The following TRAFD1 variants were observed in gnomAD, a reference collection of about 807,000 sequenced individuals.
TRAFD1 encodes TRAF-type zinc finger domain containing 1, also known as TRAF-type zinc finger domain-containing protein 1.
A neutral mutation model predicts 65.3 loss-of-function variants in TRAFD1; 38 were observed. The observed-to-expected ratio is 0.58, with a 90% CI of 0.45 to 0.76. The LOEUF (loss-of-function observed/expected upper bound fraction) is 0.76, where lower values mean the gene tolerates loss of function less well. TRAFD1 is among the 30% of genes least tolerant of loss of function. The pLI, the probability that TRAFD1 is intolerant of heterozygous loss-of-function variation, is 0.00. For synonymous variants in TRAFD1, 223 were observed against 257.2 expected (o/e 0.87, Z 1.27); for missense variants, 631 against 712.6 (o/e 0.89, Z 1.30).
chr12:112,132,524 TG>T (rs954260643), intron 2 of TRAFD1, among the ~76,000 whole-genome samples: 34 of 152,238 alleles, frequency 2.2e-4, no homozygotes, highest in African/African-American at 8.2e-4. Context: ...GCTAAAAATT[TG>T]AGAGAAATAT....
chr12:112,133,167 C>CT (rs2079574477), intron 2 of TRAFD1: 1 of 152,162 alleles, frequency 6.6e-6, no homozygotes, highest in African/African-American at 2.4e-5. Context: ...AACCACTAAA[C>CT]TAAGTGAGAA....
At chr12:112,150,888 C>T (rs1161887002) in intron 9 of TRAFD1, among the ~76,000 whole-genome samples, 3 of 149,704 alleles carry the variant, frequency 2.0e-5, no homozygotes, top group African/African-American at 7.3e-5. Context: ...TTACTTAAGA[C>T]CATCATGTTT....
At chr12:112,127,391 G>A (rs964351339) in intron 1 of TRAFD1, among the ~76,000 whole-genome samples, 1 of 152,042 alleles carries the variant, frequency 6.6e-6, no homozygotes, top group Admixed American at 6.6e-5. Context: ...CCACTAAATC[G>A]CTTTATCAGA....
At chr12:112,140,784 A>G in intron 4 of TRAFD1, 35 bp from the exon 5 acceptor site, 1 of 1,607,544 alleles carries the variant, frequency 6.2e-7, no homozygotes, top group Non-Finnish European at 8.5e-7. Context: ...TCTCCTAGAT[A>G]TGCATATTAA....
At chr12:112,147,948 C>T (rs1423460487) in intron 7 of TRAFD1, 126 bp from the exon 8 acceptor site, 11 of 807,998 alleles carry the variant, frequency 1.4e-5, no homozygotes, top group Admixed American at 5.4e-5. Flanking sequence ...GGATTACAGG[C>T]GTGAGCCACC....
rs148878247 is a variant in TRAFD1 at position 112,152,787 on chromosome 12, A to G, written c.1745A>G (p.Glu582Gly). ...GGGGATGCAGAAGAGGAAGAGGAGG[A>G]GTAATGGTGTCTCCAGAGACTTTAC... ...GAGDAEEEEE[E>G] Residue 582 changes from glutamate to glycine, a missense_variant, in exon 12 of 12, where the codon GAG becomes GGG. Coordinates refer to ENST00000412615, the MANE Select transcript of TRAFD1 (RefSeq NM_006700.3). This position sits in a 1 kb window ranked among gnomAD's most constrained non-coding sequence, Gnocchi z 5.0. 1.6e-4 allele frequency: 257 copies of G among 1,614,144 alleles called. 3 individuals are homozygous for G. In the South Asian group the frequency reaches 2.7e-3, roughly 17 times the overall value.
chr12:112,129,666 C>T lies in TRAFD1; in HGVS notation c.-12-845C>T, dbSNP rs550882633. Among the ~76,000 whole-genome samples the T allele has an allele frequency of 4.6e-5, 7 of 152,098 alleles. No homozygotes were observed. In the South Asian group the frequency reaches 6.2e-4, roughly 14 times the overall value. ...TTTATTTATTTATTTATTTTTGAGA[C>T]GGAGTCTTACTCTGTCGCTAGGGTG... On this transcript the variant is annotated intron_variant, in intron 1 of 11. Coordinates refer to ENST00000412615, the MANE Select transcript of TRAFD1 (RefSeq NM_006700.3).
At position 112,145,573 on chromosome 12, in the gene TRAFD1, G is replaced by A. The variant is rs2030215730; in HGVS notation, c.851-13G>A. 2.5e-6 allele frequency: 4 copies of A among 1,613,864 alleles called. No homozygotes were observed. Among genetic ancestry groups the A allele is most frequent in the Non-Finnish European group, 3.4e-6 (4 of 1,179,928 alleles). On this transcript the variant is annotated splice_polypyrimidine_tract_variant and intron_variant, in intron 6 of 11. Coordinates refer to ENST00000412615, the MANE Select transcript of TRAFD1 (RefSeq NM_006700.3). ...TGTTCATCCTGAGTCTCATTGTGTG[G>A]CCTAATACCTAGGTGCAGCTGACGA... is the stretch of plus-strand genomic sequence containing the variant.
rs772520742 is a variant in TRAFD1, at chr12:112,149,805, C to G, written c.1213C>G (p.Pro405Ala). Residue 405 changes from proline to alanine, a missense_variant, in exon 9 of 12, where the codon CCT becomes GCT. Transcript: ENST00000412615. The stretch of plus-strand genomic sequence containing the variant: ...AACCAACCATGTGACAGAGGGGATT[C>G]CTAGACTGGATTCCCAGCCTCAAGA... ...TATNHVTEGI[P>A]RLDSQPQETS... is the part of the protein sequence containing the mutation. 6.2e-7 allele frequency: 1 copy of G among 1,614,198 alleles called. No homozygotes were observed. The highest frequency in any genetic ancestry group is 1.7e-5 in the Admixed American group (1 of 60,024).
At chr12:112,151,690 G>A (rs1241862247) in intron 9 of TRAFD1, 111 bp from the exon 10 acceptor site, 11 of 1,085,408 alleles carry the variant, frequency 1.0e-5, no homozygotes, top group Non-Finnish European at 1.4e-5. Context: ...GAGCCACCAC[G>A]CCTGGCTGAG....
intron 4 of TRAFD1, 30 bp from the exon 5 acceptor site, chr12:112,140,789 T>C (rs2030063901): frequency 6.2e-7 from 1 of 1,609,712 alleles, no homozygotes; most frequent in Non-Finnish European, 8.5e-7. Flanking sequence ...TAGATATGCA[T>C]ATTAACTGCC....
chr12:112,140,742 T>G, intron 4 of TRAFD1, 77 bp from the exon 5 acceptor site: 1 of 1,534,176 alleles, frequency 6.5e-7, no homozygotes, highest in Non-Finnish European at 8.9e-7. Context: ...GTAGATACTC[T>G]TGGCTTTCCT....
Position 112,152,808 on chromosome 12 carries a change from T to C in TRAFD1, c.*17T>C. 1 of 1,613,870 alleles carries C rather than the reference T, an allele frequency of 6.2e-7. No homozygotes were observed. The highest frequency in any genetic ancestry group is 1.1e-5 in the South Asian group (1 of 91,078). On this transcript the variant is annotated 3_prime_UTR_variant, in exon 12 of 12. Coordinates refer to ENST00000412615, the MANE Select transcript of TRAFD1 (RefSeq NM_006700.3). This position sits in a 1 kb window ranked among gnomAD's most constrained non-coding sequence, Gnocchi z 5.0. ...GAGGAGTAATGGTGTCTCCAGAGAC[T>C]TTACATCGGTTCCTGTCTTCTGTGC...
rs941659587 is a variant in TRAFD1 at position 112,149,489 on chromosome 12, AG to A, written c.1159-261del. The A allele has an allele frequency of 3.0e-5, 10 of 330,512 alleles. No individual in the cohort carries two copies. The South Asian group carries it at 4.2e-4, about 14-fold the overall frequency. The allele number at this position is 330,512 out of a possible 1,614,324, so 20.5% of individuals were successfully genotyped here. ...TAGTCTTAAAAAACAGAAAAAAAAA[AG>A]AAATAAATGTTTTTCTGGGCTCCAA... is the stretch of plus-strand genomic sequence containing the variant. On this transcript the variant is annotated intron_variant, in intron 8 of 11. Coordinates refer to ENST00000412615, the MANE Select transcript of TRAFD1 (RefSeq NM_006700.3).
At position 112,152,294 on chromosome 12, in the gene TRAFD1, A is replaced by T; in HGVS notation, c.1620-133A>T. 1 of 1,443,468 alleles carries T rather than the reference A, an allele frequency of 6.9e-7. No homozygotes were observed. Among genetic ancestry groups the T allele is most frequent in the Non-Finnish European group, 9.4e-7 (1 of 1,061,578 alleles). 89.4% of individuals were successfully genotyped at this position (1,443,468 alleles called of 1,614,324 possible). A position where few individuals can be genotyped will look rare whatever the true frequency, so the allele number is the denominator to read the frequency against. On this transcript the variant is annotated intron_variant, in intron 10 of 11. Coordinates refer to ENST00000412615, the MANE Select transcript of TRAFD1 (RefSeq NM_006700.3). The surrounding 1 kb of genome is among the most constrained non-coding windows in gnomAD (Gnocchi z 5.0). ...TTCCCTGTATTGTCACCTGACTCCAAAAAAATTATTTTGTGGCCTATGGGT... is the reference window on the plus strand; with the variant it reads ...TTCCCTGTATTGTCACCTGACTCCATAAAAATTATTTTGTGGCCTATGGGT...
chr12:112,134,162 C>CT (rs2079581863), intron 2 of TRAFD1, among the ~76,000 whole-genome samples: 1 of 151,478 alleles, frequency 6.6e-6, no homozygotes, highest in African/African-American at 2.4e-5. Flanking sequence ...AGGCATGTGC[C>CT]GCCACACCTG....
chr12:112,141,532 G>T, intron 5 of TRAFD1: 2 of 279,632 alleles, frequency 7.2e-6, no homozygotes, highest in Non-Finnish European at 1.3e-5. Flanking sequence ...ATATATACTG[G>T]ATGAGCATCT....
intron 4 of TRAFD1, among the ~76,000 whole-genome samples, chr12:112,136,283 T>G (rs2029905506): frequency 6.6e-6 from 1 of 151,022 alleles, no homozygotes; most frequent in South Asian, 2.1e-4. Flanking sequence ...GCCCAAAGTT[T>G]TTTTTTTTTT....
intron 8 of TRAFD1, among the ~76,000 whole-genome samples, chr12:112,148,787 T>G (rs1412083386): frequency 6.6e-6 from 1 of 152,230 alleles, no homozygotes; most frequent in Non-Finnish European, 1.5e-5. Flanking sequence ...TTCCAATCTA[T>G]TAGTGGAAAA....
Sources: gnomAD v4.1 joint callset for allele counts (sites outside exome capture counted in the v4.1 genomes callset) on GRCh38, gnomAD v4.1.1 for gene constraint, Gnocchi (gnomAD v3.1) non-coding constraint, MANE v1.5 for transcripts, NCBI Gene and HGNC (gene_info 2026-07-23, HGNC 2026-07-21) for gene names.